The following NAA15 variants were observed in gnomAD, a reference collection of about 807,000 sequenced individuals.
NAA15 encodes N-terminal acetyltransferase.
NAA15 carries 34 observed loss-of-function variants against 114.0 expected under a neutral mutation model. That is an observed-to-expected ratio of 0.30 (90% CI 0.23 to 0.40). The LOEUF is 0.40. NAA15 is among the 10% of genes least tolerant of loss of function. NAA15 has a pLI of 1.00. For missense variants in NAA15, 658 were observed against 1,004.5 expected, an observed-to-expected ratio of 0.66 and a Z score of 4.66; for synonymous variants, 340 against 338.0, an observed-to-expected ratio of 1.01 and a Z score of -0.06.
intron 6 of NAA15, 87 bp downstream of exon 6, chr4:139,344,426 A>G (rs1747514252): frequency 2.8e-6 from 3 of 1,087,546 alleles, no homozygotes; most frequent in East Asian, 2.4e-5. Context: ...ACAGTTTCAT[A>G]TAATTCAGCT....
intron 1 of NAA15, among the ~76,000 whole-genome samples, chr4:139,324,973 T>C (rs1034227466): frequency 1.3e-5 from 2 of 152,220 alleles, no homozygotes; most frequent in African/African-American, 4.8e-5. Flanking sequence ...ATTAATGGCA[T>C]TGAATATAAT....
intron 2 of NAA15, among the ~76,000 whole-genome samples, chr4:139,335,254 A>G (rs1444457512): frequency 1.3e-5 from 2 of 152,184 alleles, no homozygotes; most frequent in African/African-American, 2.4e-5. Flanking sequence ...GCTGAGCTTT[A>G]TGTTGTTTGA....
intron 1 of NAA15, among the ~76,000 whole-genome samples, chr4:139,327,461 C>T (rs1220413048): frequency 6.6e-6 from 1 of 152,120 alleles, no homozygotes. Context: ...ACCATGTTGG[C>T]CAGGTTGGTC....
chr4:139,323,060 T>A (rs539868908), intron 1 of NAA15, among the ~76,000 whole-genome samples: 1 of 146,798 alleles, frequency 6.8e-6, no homozygotes, highest in East Asian at 2.0e-4. Context: ...TTTCTTTTTT[T>A]TTTTTTTTTT....
At chr4:139,335,470 A>C (rs1480135488) in intron 2 of NAA15, among the ~76,000 whole-genome samples, 1 of 150,400 alleles carries the variant, frequency 6.6e-6, no homozygotes, top group African/African-American at 2.5e-5. Flanking sequence ...GGTTCAAGCG[A>C]CTCCCCTACC....
At position 139,306,025 on chromosome 4, in the gene NAA15, C is replaced by T. The variant is rs185879084; in HGVS notation, c.54+4194C>T. Among the ~76,000 whole-genome samples the T allele has an allele frequency of 4.6e-5, 7 of 152,252 alleles. No homozygotes were observed. In the East Asian group the frequency reaches 1.3e-3, roughly 29 times the overall value. On this transcript the variant is annotated intron_variant, in intron 1 of 19. Coordinates refer to ENST00000296543, the MANE Select transcript of NAA15 (RefSeq NM_057175.5). Reference sequence around the variant, plus strand: ...TAAGTTTGCAAAAATTTTAGAGTTTCTGCAGTGGATTTGCCTGGCTTGATC... The same window carrying T: ...TAAGTTTGCAAAAATTTTAGAGTTTTTGCAGTGGATTTGCCTGGCTTGATC...
chr4:139,354,180 ATTAC>A, intron 10 of NAA15, 82 bp downstream of exon 10: 4 of 1,151,836 alleles, frequency 3.5e-6, no homozygotes, highest in South Asian at 1.3e-5. Context: ...GGTCAGTATT[ATTAC>A]TTAGGCAGTA....
chr4:139,309,563 C>T (rs1455604041), intron 1 of NAA15, among the ~76,000 whole-genome samples: 1 of 151,884 alleles, frequency 6.6e-6, no homozygotes, highest in Non-Finnish European at 1.5e-5. Flanking sequence ...GTACATGCTA[C>T]TGCGCCTGGC....
At chr4:139,348,786 G>T (rs1438771612) in intron 6 of NAA15, among the ~76,000 whole-genome samples, 1 of 152,126 alleles carries the variant, frequency 6.6e-6, no homozygotes, top group Non-Finnish European at 1.5e-5. Flanking sequence ...AAAGAGCCTA[G>T]GTTTTAAGAT....
chr4:139,385,826 AAGTAT>A lies in NAA15; in HGVS notation c.2303-306_2303-302del, dbSNP rs1413306966. 3.2e-4 allele frequency among the ~76,000 whole-genome samples: 48 copies of A among 152,288 alleles called. 1 individual carries two copies. Among genetic ancestry groups the A allele is most frequent in the African/African-American group, 1.1e-3 (44 of 41,562 alleles). ...TATCATGGTCCTACCACAAAAATAC[AAGTAT>A]TATTAGAATGCTTGTGTTTCTTCAT... is the stretch of plus-strand genomic sequence containing the variant. On this transcript the variant is annotated intron_variant, in intron 18 of 19. Transcript: ENST00000296543.
intron 1 of NAA15, among the ~76,000 whole-genome samples, chr4:139,314,891 T>A (rs2110844831): frequency 6.6e-6 from 1 of 151,920 alleles, no homozygotes; most frequent in East Asian, 1.9e-4. Context: ...TTGGCCACGA[T>A]GGTCTCAATC....
chr4:139,385,195 T>C (rs771196633), intron 18 of NAA15, among the ~76,000 whole-genome samples: 1 of 148,412 alleles, frequency 6.7e-6, no homozygotes, highest in Non-Finnish European at 1.5e-5. Context: ...GGCAGAAGGA[T>C]CACTTGAGCC....
chr4:139,371,977 G>A (rs918342862), intron 15 of NAA15, among the ~76,000 whole-genome samples: 5 of 152,026 alleles, frequency 3.3e-5, no homozygotes, highest in Admixed American at 6.6e-5. Flanking sequence ...GTGCAGTGGC[G>A]CGATCTCGGC....
At chr4:139,318,019 G>A (rs1746470883) in intron 1 of NAA15, among the ~76,000 whole-genome samples, 1 of 152,180 alleles carries the variant, frequency 6.6e-6, no homozygotes, top group African/African-American at 2.4e-5. Context: ...ATTTACAAGA[G>A]TATAATATTC....
At chr4:139,377,305 G>A (rs539901348) in intron 16 of NAA15, among the ~76,000 whole-genome samples, 4 of 152,278 alleles carry the variant, frequency 2.6e-5, no homozygotes, top group African/African-American at 9.6e-5. Context: ...GGGAGGCCGA[G>A]GCAGGTGGAT....
intron 16 of NAA15, 46 bp from the exon 17 acceptor site, chr4:139,378,710 C>T: frequency 8.2e-7 from 1 of 1,213,224 alleles, no homozygotes; most frequent in Non-Finnish European, 1.2e-6. Context: ...CCAAAGGAGG[C>T]CTCTTATCCA....
intron 18 of NAA15, 69 bp from the exon 19 acceptor site, chr4:139,386,064 A>G: frequency 1.3e-6 from 1 of 785,798 alleles, no homozygotes; most frequent in Non-Finnish European, 2.1e-6. Context: ...TGCCTTTTAT[A>G]TTTAAATAAG....
chr4:139,342,488 T>G (rs1747439574), intron 4 of NAA15, among the ~76,000 whole-genome samples: 2 of 150,974 alleles, frequency 1.3e-5, no homozygotes, highest in African/African-American at 4.9e-5. Context: ...TGTTTTTTTT[T>G]TTTTTTTTTG....
intron 1 of NAA15, among the ~76,000 whole-genome samples, chr4:139,322,241 G>A (rs1351490495): frequency 6.6e-6 from 1 of 152,168 alleles, no homozygotes; most frequent in Non-Finnish European, 1.5e-5. Flanking sequence ...TCTCATGATA[G>A]TGAATGAGTT....
Sources: allele counts gnomAD v4.1 joint callset (sites outside exome capture counted in the v4.1 genomes callset), GRCh38; gene constraint gnomAD v4.1.1; transcripts MANE v1.5; gene names NCBI Gene and HGNC (gene_info 2026-07-23, HGNC 2026-07-21).